Variants in UNC13B observed in about 807,000 individuals in gnomAD.
UNC13B encodes unc-13 homolog B.
UNC13B carries 144 observed loss-of-function variants against 211.0 expected under a neutral mutation model. The observed-to-expected ratio is 0.68, with a 90% CI of 0.60 to 0.78. UNC13B has a LOEUF of 0.78. Ranked by LOEUF, UNC13B falls within the 30% of genes least tolerant of loss-of-function variation. UNC13B has a pLI of 0.00. For synonymous variants in UNC13B, 709 were observed against 725.8 expected (o/e 0.98, Z 0.37); for missense variants, 1,777 against 2,002.0 (o/e 0.89, Z 2.14).
intron 1 of UNC13B, among the ~76,000 whole-genome samples, chr9:35,193,790 T>C (rs1031713184): frequency 4.5e-4 from 69 of 152,300 alleles, no homozygotes; most frequent in African/African-American, 1.6e-3. Flanking sequence ...TTTTCCCATT[T>C]ACAGAAGCAG....
intron 1 of UNC13B, among the ~76,000 whole-genome samples, chr9:35,183,924 G>T (rs1304378746): frequency 6.8e-6 from 1 of 146,994 alleles, no homozygotes; most frequent in Admixed American, 6.8e-5. Context: ...CCAAGACGGG[G>T]TGGCGGCAGG....
At chr9:35,310,266 C>T (rs1036973533) in intron 9 of UNC13B, among the ~76,000 whole-genome samples, 20 of 152,152 alleles carry the variant, frequency 1.3e-4, no homozygotes, top group African/African-American at 4.8e-4. Context: ...GAGAACCCAG[C>T]ATGTTGTGTT....
intron 11 of UNC13B, among the ~76,000 whole-genome samples, chr9:35,340,731 C>T (rs1337314562): frequency 1.3e-5 from 2 of 152,180 alleles, no homozygotes; most frequent in Non-Finnish European, 2.9e-5. Flanking sequence ...AGAGGAATGA[C>T]TTCACTGGAT....
intron 4 of UNC13B, 87 bp downstream of exon 4, chr9:35,236,673 A>G: frequency 2.5e-6 from 3 of 1,196,314 alleles, no homozygotes; most frequent in Non-Finnish European, 3.7e-6. Flanking sequence ...ATATTCATCC[A>G]TGCATCTTGG....
chr9:35,356,918 C>T (rs953737982), intron 11 of UNC13B, among the ~76,000 whole-genome samples: 1 of 152,290 alleles, frequency 6.6e-6, no homozygotes, highest in Middle Eastern at 3.4e-3. Context: ...TAGCATGTAT[C>T]AGTACTTCAT....
rs1372050529 is a variant in UNC13B, at chr9:35,381,458, G to A, written c.10492-98G>A. 3 of 1,395,570 alleles carry A rather than the reference G, an allele frequency of 2.1e-6. No homozygotes were observed. In the Admixed American group the frequency reaches 7.5e-5, roughly 35 times the overall value. 86.4% of individuals were successfully genotyped at this position (1,395,570 alleles called of 1,614,324 possible). A position where few individuals can be genotyped will look rare whatever the true frequency, so the allele number is the denominator to read the frequency against. On this transcript the variant is annotated intron_variant, in intron 19 of 39. Transcript: ENST00000635942. ...ATGACTGGAAGGACAGAATTTCTGTGGGACCTTGTGCACATTCTTCTGGGC... is the reference window on the plus strand; with the variant it reads ...ATGACTGGAAGGACAGAATTTCTGTAGGACCTTGTGCACATTCTTCTGGGC...
chr9:35,355,614 A>AGC (rs373984582), intron 11 of UNC13B, among the ~76,000 whole-genome samples: 12,424 of 152,180 alleles, frequency 0.082, 1,677 homozygotes, highest in African/African-American at 0.28. Context: ...TTCTATTCTT[A>AGC]ATACATTCAT....
intron 6 of UNC13B, among the ~76,000 whole-genome samples, chr9:35,244,383 CTG>C (rs1332972651): frequency 3.9e-5 from 6 of 152,120 alleles, no homozygotes; most frequent in Admixed American, 6.6e-5. Context: ...GGTTTGATGA[CTG>C]TATTTGTTTC....
At chr9:35,257,347 A>AT (rs1564097736) in intron 6 of UNC13B, among the ~76,000 whole-genome samples, 1 of 113,762 alleles carries the variant, frequency 8.8e-6, no homozygotes, top group African/African-American at 3.1e-5. Flanking sequence ...AAATATTTAT[A>AT]AAAATATTTA....
chr9:35,319,665 A>G (rs998032963), intron 11 of UNC13B, among the ~76,000 whole-genome samples: 1 of 150,004 alleles, frequency 6.7e-6, no homozygotes, highest in African/African-American at 2.5e-5. Context: ...TTTTTTTTTT[A>G]ATTTTATTTT....
chr9:35,313,678 G>A (rs1256105402), intron 10 of UNC13B, among the ~76,000 whole-genome samples: 1 of 131,808 alleles, frequency 7.6e-6, no homozygotes, highest in East Asian at 2.0e-4. Flanking sequence ...ATAAATAAAA[G>A]AGGGAACAGA....
chr9:35,400,673 C>G (rs1182181624), intron 37 of UNC13B, among the ~76,000 whole-genome samples: 3 of 152,174 alleles, frequency 2.0e-5, no homozygotes, highest in Non-Finnish European at 4.4e-5. Context: ...ATTTCTTTTC[C>G]CAGACATTGC....
chr9:35,381,911 C>T (rs1834866426), intron 20 of UNC13B, among the ~76,000 whole-genome samples, 192 bp downstream of exon 20: 1 of 152,182 alleles, frequency 6.6e-6, no homozygotes, highest in South Asian at 2.1e-4. Context: ...TGTTGTAACT[C>T]ACAGAAAAGG....
chr9:35,167,500 A>C (rs1428341087), intron 1 of UNC13B, among the ~76,000 whole-genome samples: 2 of 152,042 alleles, frequency 1.3e-5, no homozygotes, highest in Non-Finnish European at 2.9e-5. Flanking sequence ...ATAAGCATAC[A>C]TAATTTAAAC....
In UNC13B at chr9:35,204,037, C is replaced by T. The variant is rs561970511; in HGVS notation, c.23-23978C>T. On this transcript the variant is annotated intron_variant, in intron 1 of 39. Coordinates refer to ENST00000635942, the MANE Select transcript of UNC13B (RefSeq NM_001371189.2). ...CCCAGGGCCTTGCTGCACTGCACAG[C>T]TCCATGCATCCTGGAGCACTGCTCT... 2.6e-5 allele frequency among the ~76,000 whole-genome samples: 4 copies of T among 152,384 alleles called. No homozygotes were observed. In the South Asian group the frequency reaches 8.3e-4, roughly 32 times the overall value.
At chr9:35,375,081 C>G (rs58720052) in intron 13 of UNC13B, 46 bp from the exon 14 acceptor site, 1 of 1,605,062 alleles carries the variant, frequency 6.2e-7, no homozygotes, top group South Asian at 1.1e-5. Flanking sequence ...CAGACTTTGC[C>G]AGCCCTTGGC....
intron 6 of UNC13B, among the ~76,000 whole-genome samples, chr9:35,258,739 T>A (rs1827085251): frequency 6.6e-6 from 1 of 152,232 alleles, no homozygotes; most frequent in African/African-American, 2.4e-5. Flanking sequence ...GGTGCCCAGG[T>A]GCCCTTGGTC....
chr9:35,324,561 G>A (rs1164073734), intron 11 of UNC13B, among the ~76,000 whole-genome samples: 1 of 152,140 alleles, frequency 6.6e-6, no homozygotes. Flanking sequence ...TATTTGTGAA[G>A]GTCATCAGTG....
At position 35,307,628 on chromosome 9, in the gene UNC13B, A is replaced by C; in HGVS notation, c.8224A>C (p.Ile2742Leu). 7.5e-6 allele frequency: 3 copies of C among 399,110 alleles called. No individual in the cohort carries two copies. The allele number at this position is 399,110 out of a possible 1,614,324, so 24.7% of individuals were successfully genotyped here. ...GCTTGCTGCCAGAGAAAGTTGTGAG[A>C]TAATTCATGCCCAGAAAGATCCACC... is the stretch of plus-strand genomic sequence containing the variant. ...PVLAARESCE[I>L]IHAQKDPPVV... The change falls in exon 9 of 40, where the codon ATA becomes CTA. Residue 2742 changes from isoleucine to leucine, a missense_variant. Coordinates refer to ENST00000635942, the MANE Select transcript of UNC13B (RefSeq NM_001371189.2).
Sources: gnomAD v4.1 joint callset for allele counts (sites outside exome capture counted in the v4.1 genomes callset) on GRCh38, gnomAD v4.1.1 for gene constraint, MANE v1.5 for transcripts, NCBI Gene and HGNC (gene_info 2026-07-23, HGNC 2026-07-21) for gene names.